Variants in RALGPS1 observed in about 807,000 individuals in gnomAD.
RALGPS1 encodes ras-specific guanine nucleotide-releasing factor RalGPS1.
In RALGPS1, 19 loss-of-function variants were observed where a neutral mutation model predicts 78.8. The observed-to-expected ratio is 0.24, with a 90% CI of 0.17 to 0.35. RALGPS1 has a LOEUF of 0.35. Among genes scored for constraint, RALGPS1 ranks in the 10% least tolerant of loss-of-function variants. The pLI is 1.00. For synonymous variants in RALGPS1, 228 were observed against 256.3 expected, an observed-to-expected ratio of 0.89 and a Z score of 1.06; for missense variants, 454 against 688.3, an observed-to-expected ratio of 0.66 and a Z score of 3.81.
intron 4 of RALGPS1, among the ~76,000 whole-genome samples, chr9:127,024,036 CAAA>C (rs61549879): frequency 1.4e-5 from 1 of 71,662 alleles, no homozygotes; most frequent in Non-Finnish European, 2.5e-5. Flanking sequence ...GACTCTGTCT[CAAA>C]AAAAAAAAAA....
At chr9:126,921,345 C>G (rs2034731426) in intron 1 of RALGPS1, among the ~76,000 whole-genome samples, 1 of 152,198 alleles carries the variant, frequency 6.6e-6, no homozygotes, top group Non-Finnish European at 1.5e-5. Context: ...TTCCTCCCCA[C>G]TTTCTGCGTG....
chr9:127,104,655 GT>G (rs2054044787), intron 8 of RALGPS1, among the ~76,000 whole-genome samples: 2 of 152,224 alleles, frequency 1.3e-5, no homozygotes, highest in Admixed American at 6.5e-5. Context: ...CCCTGTTACT[GT>G]CTCAGTAAGG....
chr9:126,965,676 T>G (rs538542111), intron 2 of RALGPS1, among the ~76,000 whole-genome samples, 168 bp from the exon 3 acceptor site: 1 of 152,350 alleles, frequency 6.6e-6, no homozygotes, highest in Non-Finnish European at 1.5e-5. Context: ...ATCATACACA[T>G]GCAGTGCTTA....
chr9:127,142,765 CTTTA>C (rs1350906028), intron 8 of RALGPS1, among the ~76,000 whole-genome samples: 1 of 152,022 alleles, frequency 6.6e-6, no homozygotes, highest in Non-Finnish European at 1.5e-5. Context: ...CTTGTTGACT[CTTTA>C]TTTATATTTA....
Position 127,220,114 on chromosome 9 carries a change from A to G in RALGPS1, c.*1345A>G, listed in dbSNP as rs2062735791. 1 of 152,552 alleles carries G rather than the reference A, an allele frequency of 6.6e-6. No homozygotes were observed. Among genetic ancestry groups the G allele is most frequent in the Non-Finnish European group, 1.5e-5 (1 of 68,034 alleles). The allele number at this position is 152,552 out of a possible 1,614,324, so 9.4% of individuals were successfully genotyped here. A position where few individuals can be genotyped will look rare whatever the true frequency, so the allele number is the denominator to read the frequency against. On this transcript the variant is annotated 3_prime_UTR_variant, in exon 19 of 19. Coordinates refer to ENST00000259351, the MANE Select transcript of RALGPS1 (RefSeq NM_014636.3). Reference sequence around the variant, plus strand: ...ATAATAAATCACTCTTTATCATAGTATCTTCTCTTCCCTCTTCCCCTTTAG... The same window carrying G: ...ATAATAAATCACTCTTTATCATAGTGTCTTCTCTTCCCTCTTCCCCTTTAG...
intron 11 of RALGPS1, among the ~76,000 whole-genome samples, chr9:127,185,794 A>C (rs2060605778): frequency 6.6e-6 from 1 of 152,144 alleles, no homozygotes; most frequent in Non-Finnish European, 1.5e-5. Context: ...TTTCTAATCC[A>C]GTGTAGTATC....
intron 4 of RALGPS1, among the ~76,000 whole-genome samples, chr9:126,983,576 A>G (rs375414838): frequency 6.6e-6 from 1 of 152,144 alleles, no homozygotes; most frequent in Non-Finnish European, 1.5e-5. Flanking sequence ...AATTTCCCCA[A>G]TTGTCTCAAA....
chr9:127,021,846 A>C (rs2134194262), intron 4 of RALGPS1, among the ~76,000 whole-genome samples: 1 of 152,250 alleles, frequency 6.6e-6, no homozygotes, highest in Non-Finnish European at 1.5e-5. Flanking sequence ...TCACGTGGAC[A>C]GGAGACTGCT....
chr9:127,194,122 C>T (rs2061225392), intron 11 of RALGPS1, among the ~76,000 whole-genome samples: 1 of 152,178 alleles, frequency 6.6e-6, no homozygotes, highest in South Asian at 2.1e-4. Context: ...GTAATAATTA[C>T]CATAATAAAT....
chr9:127,185,660 A>C (rs933357553), intron 11 of RALGPS1, among the ~76,000 whole-genome samples: 2 of 152,202 alleles, frequency 1.3e-5, no homozygotes, highest in Admixed American at 6.5e-5. Flanking sequence ...TGTTGTAGTT[A>C]TACTACTGGT....
intron 4 of RALGPS1, among the ~76,000 whole-genome samples, chr9:127,023,704 A>C (rs2045686879): frequency 1.3e-5 from 2 of 152,146 alleles, no homozygotes; most frequent in Non-Finnish European, 2.9e-5. Context: ...CCTAAGGCCC[A>C]GCTGGTCATG....
chr9:127,070,373 C>T (rs753674724), intron 8 of RALGPS1, among the ~76,000 whole-genome samples: 4 of 152,158 alleles, frequency 2.6e-5, no homozygotes, highest in South Asian at 4.1e-4. Context: ...AATGAACGTC[C>T]TTATTGCAAA....
chr9:126,916,634 C>T (rs1322808144), intron 1 of RALGPS1, among the ~76,000 whole-genome samples: 1 of 152,134 alleles, frequency 6.6e-6, no homozygotes, highest in East Asian at 1.9e-4. Context: ...ATACAAAAGT[C>T]AGCCGGGCAT....
chr9:126,945,737 C>T (rs1180946734), intron 1 of RALGPS1, among the ~76,000 whole-genome samples: 5 of 152,192 alleles, frequency 3.3e-5, no homozygotes, highest in Non-Finnish European at 7.3e-5. Flanking sequence ...GGCCTGTTCT[C>T]AGGTCTCATC....
chr9:126,920,368 T>C (rs1421923347), intron 1 of RALGPS1, among the ~76,000 whole-genome samples: 1 of 152,110 alleles, frequency 6.6e-6, no homozygotes, highest in Non-Finnish European at 1.5e-5. Context: ...TGATGATACT[T>C]GTCCTAAAAA....
At chr9:127,188,056 CTTTTT>C (rs35971647) in intron 11 of RALGPS1, among the ~76,000 whole-genome samples, 16 of 81,696 alleles carry the variant, frequency 2.0e-4, no homozygotes, top group South Asian at 5.8e-4. Context: ...GAATTAGAGC[CTTTTT>C]TTTTTTTTTT....
chr9:127,149,454 G>A (rs2058294235), intron 8 of RALGPS1, among the ~76,000 whole-genome samples: 2 of 152,240 alleles, frequency 1.3e-5, no homozygotes, highest in African/African-American at 4.8e-5. Context: ...GTTCAGTGAG[G>A]TTTGATGGGC....
At position 127,099,419 on chromosome 9, in the gene RALGPS1, C is replaced by T. The variant is rs12115340; in HGVS notation, c.610+30063C>T. On this transcript the variant is annotated intron_variant, in intron 8 of 18. Coordinates refer to ENST00000259351, the MANE Select transcript of RALGPS1 (RefSeq NM_014636.3). ...ACCACTCCCTGAAACATTTTTCTAACAGGAGAAATGACTAACTGTTGAAAT... is the reference window on the plus strand; with the variant it reads ...ACCACTCCCTGAAACATTTTTCTAATAGGAGAAATGACTAACTGTTGAAAT... 4.5e-3 allele frequency among the ~76,000 whole-genome samples: 684 copies of T among 152,318 alleles called. 2 individuals carry two copies. Among genetic ancestry groups the T allele is most frequent in the African/African-American group, 0.015 (637 of 41,578 alleles).
At position 126,948,679 on chromosome 9, in the gene RALGPS1, G is replaced by A. The variant is rs373492400; in HGVS notation, c.-65-13546G>A. Among the ~76,000 whole-genome samples, 7 of 152,194 alleles carry A rather than the reference G, an allele frequency of 4.6e-5. 1 individual carries two copies. Among genetic ancestry groups the A allele is most frequent in the South Asian group, 4.2e-4 (2 of 4,808 alleles). On this transcript the variant is annotated intron_variant, in intron 1 of 18. Coordinates refer to ENST00000259351, the MANE Select transcript of RALGPS1 (RefSeq NM_014636.3). ...CATACAGAGCCTGGGACATGGGGGCGCTTGAGAATGCCTGTCACAGGATGG... is the reference window on the plus strand; with the variant it reads ...CATACAGAGCCTGGGACATGGGGGCACTTGAGAATGCCTGTCACAGGATGG...
Sources: allele counts gnomAD v4.1 joint callset (sites outside exome capture counted in the v4.1 genomes callset), GRCh38; gene constraint gnomAD v4.1.1; transcripts MANE v1.5; gene names NCBI Gene and HGNC (gene_info 2026-07-23, HGNC 2026-07-21).